The following COPA variants were observed in gnomAD, a reference collection of about 807,000 sequenced individuals.
COPA encodes coat protein complex I subunit alpha, also known as coatomer subunit alpha.
In COPA, 10 loss-of-function variants were observed where a neutral mutation model predicts 158.7. The ratio of observed to expected loss-of-function variants is 0.06; its 90% confidence interval spans 0.04 to 0.11. COPA has a LOEUF of 0.11. Ranked by LOEUF, COPA falls within the 10% of genes least tolerant of loss-of-function variation. The probability of loss-of-function intolerance (pLI) is 1.00; values close to 1 mark genes in which losing one functional copy is unlikely to be tolerated. For missense variants in COPA, 1,065 were observed against 1,536.7 expected (o/e 0.69, Z 5.13); for synonymous variants, 462 against 542.8 (o/e 0.85, Z 2.07).
At chr1:160,310,062 A>G in intron 12 of COPA, 130 bp downstream of exon 12, 1 of 520,644 alleles carries the variant, frequency 1.9e-6, no homozygotes, top group Non-Finnish European at 3.4e-6. Flanking sequence ...TCTCTGAGTG[A>G]TCACTGTGTC....
intron 6 of COPA, among the ~76,000 whole-genome samples, chr1:160,327,394 G>A (rs772306393): frequency 2.0e-5 from 3 of 151,402 alleles, no homozygotes; most frequent in East Asian, 1.9e-4. Context: ...AAAATTAGTC[G>A]GGCATGACGG....
chr1:160,334,849 C>T (rs1647688659), intron 4 of COPA, among the ~76,000 whole-genome samples: 1 of 152,144 alleles, frequency 6.6e-6, no homozygotes, highest in Non-Finnish European at 1.5e-5. Context: ...ATTGTTAATA[C>T]TTCGAAACGT....
At chr1:160,327,023 C>G (rs1293477621) in intron 6 of COPA, among the ~76,000 whole-genome samples, 1 of 152,112 alleles carries the variant, frequency 6.6e-6, no homozygotes. Context: ...TTGTGGTTTT[C>G]AGAGAGTATG....
chr1:160,306,601 T>A, intron 14 of COPA, 108 bp from the exon 15 acceptor site: 17 of 1,402,566 alleles, frequency 1.2e-5, no homozygotes, highest in Middle Eastern at 1.9e-4. Flanking sequence ...TAACTAAGTA[T>A]TTTTTGTCCT....
chr1:160,306,368 G>A lies in COPA; in HGVS notation c.1428C>T (p.Asp476=), dbSNP rs1275060712. ...LRDADSITLF[D]VQQKRTLASV... ...TGATATGTTACCGCTTCTGCTGTAC[G>A]TCAAAGAGTGTGATAGAGTCCGCAT... Residue 476 remains aspartate (D), a synonymous_variant, in exon 15 of 33, where the codon GAC becomes GAT. Transcript: ENST00000241704. 1.7e-5 allele frequency: 28 copies of A among 1,608,602 alleles called. No homozygotes were observed. Among genetic ancestry groups the A allele is most frequent in the African/African-American group, 4.0e-5 (3 of 74,804 alleles).
chr1:160,297,940 G>A (rs762968764), intron 19 of COPA, among the ~76,000 whole-genome samples, 195 bp from the exon 20 acceptor site: 2 of 152,142 alleles, frequency 1.3e-5, no homozygotes, highest in Non-Finnish European at 2.9e-5. Context: ...AGCACTTTGG[G>A]AGGCCAAGGC....
At chr1:160,336,872 T>A (rs1647788513) in intron 3 of COPA, among the ~76,000 whole-genome samples, 1 of 151,936 alleles carries the variant, frequency 6.6e-6, no homozygotes. Context: ...GAATGCTGAG[T>A]TCCTTAAAGG....
chr1:160,329,746 C>T (rs573438100), intron 6 of COPA, among the ~76,000 whole-genome samples: 55 of 152,276 alleles, frequency 3.6e-4, no homozygotes, highest in African/African-American at 1.2e-3. Flanking sequence ...AGAAGAACTA[C>T]GAAAACAGCC....
chr1:160,320,443 C>G (rs71628173), intron 8 of COPA, among the ~76,000 whole-genome samples: 53 of 151,530 alleles, frequency 3.5e-4, no homozygotes, highest in African/African-American at 1.2e-3. Context: ...AACCCTGTCT[C>G]TACTAAAAAC....
chr1:160,333,872 T>C (rs1647647115), intron 4 of COPA, among the ~76,000 whole-genome samples, 193 bp from the exon 5 acceptor site: 1 of 152,212 alleles, frequency 6.6e-6, no homozygotes, highest in East Asian at 1.9e-4. Context: ...ACTTCGGCAC[T>C]TTCACCTATA....
chr1:160,312,223 A>T (rs375634918), intron 10 of COPA, among the ~76,000 whole-genome samples: 1 of 152,162 alleles, frequency 6.6e-6, no homozygotes, highest in East Asian at 1.9e-4. Context: ...ACACTGCCAC[A>T]CTTAGTGTCA....
intron 5 of COPA, 24 bp downstream of exon 5, chr1:160,333,579 C>T (rs761552306): frequency 5.2e-5 from 81 of 1,566,766 alleles, no homozygotes; most frequent in Non-Finnish European, 6.7e-5. Flanking sequence ...AGACTCTTTT[C>T]GAGCCCTCTG....
At chr1:160,307,268 G>A (rs749113398) in intron 13 of COPA, 23 bp from the exon 14 acceptor site, 4 of 1,610,498 alleles carry the variant, frequency 2.5e-6, no homozygotes, top group East Asian at 4.5e-5. Flanking sequence ...AAACCAAAGG[G>A]TGGGAGCATG....
chr1:160,320,449 A>G (rs1659293845), intron 8 of COPA, among the ~76,000 whole-genome samples: 1 of 151,738 alleles, frequency 6.6e-6, no homozygotes, highest in Non-Finnish European at 1.5e-5. Flanking sequence ...GTCTCTACTA[A>G]AAACATAAAA....
intron 8 of COPA, 34 bp downstream of exon 8, chr1:160,323,396 CT>C (rs1659389992): frequency 1.3e-6 from 2 of 1,548,600 alleles, no homozygotes; most frequent in African/African-American, 1.4e-5. Flanking sequence ...CTGGCAGTTT[CT>C]TAGATATGGC....
intron 17 of COPA, among the ~76,000 whole-genome samples, chr1:160,300,473 G>C (rs1658565941): frequency 6.6e-6 from 1 of 151,708 alleles, no homozygotes; most frequent in Non-Finnish European, 1.5e-5. Context: ...TCCTATAATG[G>C]CTAAATAAAC....
rs1178827481 is a variant in COPA, at chr1:160,317,366, CT to C, written c.707-3242del. On this transcript the variant is annotated intron_variant, in intron 8 of 32. Transcript: ENST00000241704. ...AGGTTCTGCTTACCCGAGGCCGCTG[CT>C]GTGCGGAGACCCCCGGGTGAAGCCA... 13 of 1,591,870 alleles carry C rather than the reference CT, an allele frequency of 8.2e-6. No homozygotes were observed. The South Asian group carries it at 1.4e-4, about 18-fold the overall frequency.
At chr1:160,325,758 A>C in intron 6 of COPA, 106 bp from the exon 7 acceptor site, 1 of 822,380 alleles carries the variant, frequency 1.2e-6, no homozygotes, top group Non-Finnish European at 2.0e-6. Flanking sequence ...AGAAAAAGAA[A>C]TGGAAAAGAC....
intron 24 of COPA, 87 bp from the exon 25 acceptor site, chr1:160,294,680 T>C: frequency 2.5e-6 from 4 of 1,594,798 alleles, no homozygotes; most frequent in Non-Finnish European, 3.4e-6. Context: ...GTTCGTTTCA[T>C]GGCCTGGAAG....
Sources: gnomAD v4.1 joint callset for allele counts (sites outside exome capture counted in the v4.1 genomes callset) on GRCh38, gnomAD v4.1.1 for gene constraint, MANE v1.5 for transcripts, NCBI Gene and HGNC (gene_info 2026-07-23, HGNC 2026-07-21) for gene names.